CBLB: variants seen among roughly 807,000 people sequenced by gnomAD.
CBLB encodes the protein Cbl proto-oncogene B.
A neutral mutation model predicts 104.9 loss-of-function variants in CBLB; 31 were observed. That is an observed-to-expected ratio of 0.30 (90% confidence interval 0.22 to 0.40). The LOEUF is 0.40. Ranked by LOEUF, CBLB falls within the 10% of genes least tolerant of loss-of-function variation. CBLB has a pLI of 1.00. For synonymous variants in CBLB, 440 were observed against 422.6 expected, an observed-to-expected ratio of 1.04 and a Z score of -0.51; for missense variants, 1,062 against 1,214.6, an observed-to-expected ratio of 0.87 and a Z score of 1.87.
chr3:105,817,377 G>A (rs2085211076), intron 3 of CBLB, among the ~76,000 whole-genome samples: 1 of 152,022 alleles, frequency 6.6e-6, no homozygotes, highest in Admixed American at 6.6e-5. Context: ...TAGGACTTGG[G>A]ACTAACTGAA....
rs1403840571 is a variant in CBLB, at chr3:105,659,122, C to T, written c.2797G>A (p.Asp933Asn). The change falls in exon 19 of 19, where the codon GAT becomes AAT. Residue 933 changes from aspartate (D) to asparagine (N), a missense_variant. By Grantham distance (23) the Asp-to-Asn change is conservative (BLOSUM62 1). This residue lies in a region of CBLB where 605 missense variants were observed against 582.6 expected (regional missense o/e 1.04). Transcript: ENST00000394030. ...HGPEAALENVDAKIAKLMGEG... is the reference protein window; with the variant it reads ...HGPEAALENVNAKIAKLMGEG... ...CCCATGAGTTTTGCAATTTTTGCAT[C>T]GACATTTTCCAATGCCGCCTCAGGC... The T allele has an allele frequency of 9.9e-6, 16 of 1,613,962 alleles. No homozygotes were observed. The highest frequency in any genetic ancestry group is 2.2e-5 in the South Asian group (2 of 91,076).
At chr3:105,869,024 G>T (rs1394936271), upstream of CBLB, 1 of 1,097,462 alleles carries the variant, frequency 9.1e-7, no homozygotes, top group Non-Finnish European at 1.1e-6. Context: ...CCCCACCCCT[G>T]TGGCACACAC....
chr3:105,755,016 CTTTT>C (rs67405809), intron 4 of CBLB, among the ~76,000 whole-genome samples: 14 of 143,892 alleles, frequency 9.7e-5, no homozygotes, highest in African/African-American at 3.4e-4. Flanking sequence ...AGTATCTTTT[CTTTT>C]TTTTTTTTTT....
chr3:105,690,035 C>CAG (rs10656149), intron 13 of CBLB, among the ~76,000 whole-genome samples: 151,766 of 152,298 alleles, frequency 1, 75,621 homozygotes, highest in East Asian at 1. Flanking sequence ...AACACTATGA[C>CAG]AGCAGCCTCT....
chr3:105,794,918 CTT>C (rs201226105), intron 3 of CBLB, among the ~76,000 whole-genome samples: 20 of 142,218 alleles, frequency 1.4e-4, no homozygotes, highest in Admixed American at 1.4e-4. Context: ...ATAATGGCAA[CTT>C]TTTTTTTTTT....
intron 3 of CBLB, among the ~76,000 whole-genome samples, chr3:105,844,757 T>C (rs751187188): frequency 6.6e-6 from 1 of 152,230 alleles, no homozygotes; most frequent in Non-Finnish European, 1.5e-5. Context: ...CTAATCTGTT[T>C]GGATTCTTGG....
chr3:105,696,200 T>G (rs1031159632), intron 12 of CBLB, among the ~76,000 whole-genome samples: 5 of 151,704 alleles, frequency 3.3e-5, no homozygotes, highest in Non-Finnish European at 5.9e-5. Context: ...GGAATAGAAC[T>G]GTATAGTTCT....
At position 105,740,022 on chromosome 3, in the gene CBLB, G is replaced by A. The variant is rs140867837; in HGVS notation, c.983+472C>T. 6.0e-3 allele frequency among the ~76,000 whole-genome samples: 921 copies of A among 152,334 alleles called. 11 individuals carry two copies. Among genetic ancestry groups the A allele is most frequent in the African/African-American group, 0.021 (874 of 41,574 alleles). On this transcript the variant is annotated intron_variant, in intron 7 of 18. Transcript: ENST00000394030. ...GGAGGCTGAGGCAGGGGAATCCCTT[G>A]AACCCAGGAGGCGGAGGTTGCAGTG...
chr3:105,856,821 C>T (rs1299244289), intron 2 of CBLB, among the ~76,000 whole-genome samples: 1 of 151,814 alleles, frequency 6.6e-6, no homozygotes, highest in Non-Finnish European at 1.5e-5. Flanking sequence ...CTTTTTTTAC[C>T]CCCTTTTTAA....
At chr3:105,796,818 A>C (rs1219952588) in intron 3 of CBLB, among the ~76,000 whole-genome samples, 3 of 152,258 alleles carry the variant, frequency 2.0e-5, no homozygotes, top group African/African-American at 7.2e-5. Flanking sequence ...ACCAACAAGC[A>C]TAGGAAAAAA....
At chr3:105,668,548 T>C (rs919071498) in intron 18 of CBLB, among the ~76,000 whole-genome samples, 5 of 152,210 alleles carry the variant, frequency 3.3e-5, no homozygotes, top group Non-Finnish European at 7.4e-5. Context: ...TTATATTATA[T>C]AGAAGCTGTC....
At chr3:105,851,385 G>A (rs1358860305) in intron 3 of CBLB, among the ~76,000 whole-genome samples, 1 of 152,276 alleles carries the variant, frequency 6.6e-6, no homozygotes, top group East Asian at 1.9e-4. Flanking sequence ...AGGGGGGGAA[G>A]TGAGACAGTA....
intron 10 of CBLB, among the ~76,000 whole-genome samples, chr3:105,712,090 CA>C (rs1299274067): frequency 6.6e-6 from 1 of 152,128 alleles, no homozygotes; most frequent in African/African-American, 2.4e-5. Flanking sequence ...ACTGTTAACA[CA>C]AGTGATGATA....
At chr3:105,861,262 G>C (rs1470568664) in intron 2 of CBLB, among the ~76,000 whole-genome samples, 1 of 152,080 alleles carries the variant, frequency 6.6e-6, no homozygotes, top group Non-Finnish European at 1.5e-5. Context: ...TAATATTAAA[G>C]ATGAGAATTG....
intron 2 of CBLB, among the ~76,000 whole-genome samples, chr3:105,860,572 A>G (rs540650823): frequency 6.6e-6 from 1 of 152,334 alleles, no homozygotes; most frequent in East Asian, 1.9e-4. Context: ...TTAGGATATT[A>G]TAATTCTTAC....
At position 105,813,139 on chromosome 3, in the gene CBLB, G is replaced by A. The variant is rs537268652; in HGVS notation, c.420-36597C>T. 9.4e-4 allele frequency among the ~76,000 whole-genome samples: 143 copies of A among 152,104 alleles called. 1 individual carries two copies. Among genetic ancestry groups the A allele is most frequent in the African/African-American group, 3.1e-3 (127 of 41,518 alleles). ...TAGCAAACAAAAGAAGGAAACAATG[G>A]CACGCCATTTCCCTACAAGAAGGAA... On this transcript the variant is annotated intron_variant, in intron 3 of 18. Coordinates refer to ENST00000394030, the MANE Select transcript of CBLB (RefSeq NM_170662.5).
chr3:105,698,839 G>GCT (rs1185578989), intron 12 of CBLB, among the ~76,000 whole-genome samples: 1 of 151,744 alleles, frequency 6.6e-6, no homozygotes, highest in Non-Finnish European at 1.5e-5. Context: ...CTCTTCACCC[G>GCT]CTCTCCTTTT....
intron 3 of CBLB, among the ~76,000 whole-genome samples, chr3:105,842,365 T>C (rs773723885): frequency 9.2e-5 from 14 of 152,212 alleles, no homozygotes; most frequent in Non-Finnish European, 1.3e-4. Flanking sequence ...AATATATTTT[T>C]AAAGAAATAT....
intron 9 of CBLB, among the ~76,000 whole-genome samples, chr3:105,721,976 T>C (rs1223397351): frequency 6.6e-6 from 1 of 151,856 alleles, no homozygotes; most frequent in African/African-American, 2.4e-5. Context: ...AAGATAGTTT[T>C]ATTTAACAGC....
Sources: gnomAD v4.1 joint callset for allele counts (sites outside exome capture counted in the v4.1 genomes callset) on GRCh38, gnomAD v4.1.1 for gene constraint, gnomAD v4.1.1 regional missense constraint, MANE v1.5 for transcripts, NCBI Gene and HGNC (gene_info 2026-07-23, HGNC 2026-07-21) for gene names.